POM121C: variants seen among roughly 807,000 people sequenced by gnomAD.
The protein encoded by POM121C is POM121 transmembrane nucleoporin C.
In POM121C, 20 loss-of-function variants were observed where a neutral mutation model predicts 66.4. The ratio of observed to expected loss-of-function variants is 0.30; its 90% CI spans 0.21 to 0.44. The LOEUF (loss-of-function observed/expected upper bound fraction) is 0.44, where lower values mean the gene tolerates loss of function less well. Ranked by LOEUF, POM121C falls within the 20% of genes least tolerant of loss-of-function variation. The pLI is 1.00. For synonymous variants in POM121C, 286 were observed against 528.0 expected, an observed-to-expected ratio of 0.54 and a Z score of 6.28; for missense variants, 580 against 1,225.7, an observed-to-expected ratio of 0.47 and a Z score of 7.87.
At chr7:75,470,398 G>C (rs1447008175) in intron 3 of POM121C, among the ~76,000 whole-genome samples, 4 of 148,964 alleles carry the variant, frequency 2.7e-5, no homozygotes, top group African/African-American at 9.8e-5. Flanking sequence ...GTAAACAGTG[G>C]GAGTCATGGC....
chr7:75,431,074 CAAAAAAAAAAAAA>C (rs34253601), intron 7 of POM121C, among the ~76,000 whole-genome samples: 19 of 59,716 alleles, frequency 3.2e-4, no homozygotes, highest in African/African-American at 8.5e-4. Context: ...GACTCTGTCT[CAAAAAAAAAAAAA>C]AAAAAAAAAA....
chr7:75,479,757 G>A (rs1356167803), intron 1 of POM121C, among the ~76,000 whole-genome samples: 10 of 151,904 alleles, frequency 6.6e-5, no homozygotes, highest in African/African-American at 2.4e-4. Flanking sequence ...AAATGGAAGT[G>A]TCCTATTGTA....
At chr7:75,483,876 G>A (rs1437832051) in intron 1 of POM121C, among the ~76,000 whole-genome samples, 3 of 152,018 alleles carry the variant, frequency 2.0e-5, no homozygotes, top group Non-Finnish European at 4.4e-5. Flanking sequence ...TGAGGCGGGA[G>A]GATCACCTGA....
At position 75,441,011 on chromosome 7, in the gene POM121C, T is replaced by C; in HGVS notation, c.170A>G (p.Lys57Arg). 6.2e-7 allele frequency: 1 copy of C among 1,613,812 alleles called. No homozygotes were observed. The highest frequency in any genetic ancestry group is 8.5e-7 in the Non-Finnish European group (1 of 1,179,710). ...VLSALKEKKK[K>R]RTVEEEDQIF... Reference sequence around the variant, plus strand: ...TTGGTCTTCTTCCTCCACTGTCCTTTTCTTCTTCTTCTCTTTGAGGGCACT... The same window carrying C: ...TTGGTCTTCTTCCTCCACTGTCCTTCTCTTCTTCTTCTCTTTGAGGGCACT... The change falls in exon 5 of 15, where the codon AAA (lysine) becomes AGA (arginine). Residue 57 changes from lysine to arginine, a missense_variant. By Grantham distance (26) the Lys-to-Arg change is conservative (BLOSUM62 2). Coordinates refer to ENST00000615331, the MANE Select transcript of POM121C (RefSeq NM_001099415.3).
intron 1 of POM121C, among the ~76,000 whole-genome samples, chr7:75,477,308 C>T (rs1554479532): frequency 1.3e-5 from 2 of 152,168 alleles, no homozygotes; most frequent in Non-Finnish European, 2.9e-5. Context: ...AGTGCTTGGG[C>T]ACGGTGGCTC....
chr7:75,481,030 A>ATATAT lies in POM121C; in HGVS notation c.-458+4833_-458+4834insATATA, dbSNP rs1792286734. 1.5e-4 allele frequency among the ~76,000 whole-genome samples: 21 copies of ATATAT among 137,038 alleles called. No homozygotes were observed. In the South Asian group the frequency reaches 2.1e-3, roughly 14 times the overall value. The allele number at this position is 137,038 out of a possible 152,430, so 89.9% of individuals were successfully genotyped here. A position where few individuals can be genotyped will look rare whatever the true frequency, so the allele number is the denominator to read the frequency against. ...ATACCCACTCTCAAATAGTTCAAAA[A>ATATAT]ATATATATATATATATAAATATATA... On this transcript the variant is annotated intron_variant, in intron 1 of 14. Transcript: ENST00000615331.
At chr7:75,465,609 C>A (rs1211468073) in intron 3 of POM121C, among the ~76,000 whole-genome samples, 1 of 151,420 alleles carries the variant, frequency 6.6e-6, no homozygotes, top group Non-Finnish European at 1.5e-5. Context: ...AAAAATTAGC[C>A]GGGCATGGTG....
chr7:75,429,176 C>T lies in POM121C; in HGVS notation c.481-2723G>A, dbSNP rs146878450. Among the ~76,000 whole-genome samples the T allele has an allele frequency of 4.4e-3, 673 of 152,240 alleles. 6 individuals carry two copies. Among genetic ancestry groups the T allele is most frequent in the Non-Finnish European group, 5.2e-3 (351 of 68,020 alleles). On this transcript the variant is annotated intron_variant, in intron 7 of 14. Transcript: ENST00000615331. ...GTAAGACATAAACAGAATAAGACTG[C>T]AGAGGGAAGGAAAAACTCATTATCA...
At chr7:75,472,978 C>A (rs1156918058) in intron 3 of POM121C, among the ~76,000 whole-genome samples, 1 of 152,138 alleles carries the variant, frequency 6.6e-6, no homozygotes, top group Non-Finnish European at 1.5e-5. Flanking sequence ...GAATACTGAA[C>A]ACGAATGTCA....
intron 13 of POM121C, chr7:75,420,989 G>GGTTTGGTT (rs747458743): frequency 7.4e-6 from 1 of 135,462 alleles, no homozygotes. Flanking sequence ...TTCAGCTTAC[G>GGTTTGGTT]CTTGAGACAG....
intron 3 of POM121C, among the ~76,000 whole-genome samples, chr7:75,444,263 G>A (rs1190660220): frequency 7.8e-6 from 1 of 128,886 alleles, no homozygotes; most frequent in Non-Finnish European, 1.7e-5. Context: ...AAAAAGGGGG[G>A]GGGGGGCGGA....
chr7:75,432,586 G>A (rs1335897766), intron 7 of POM121C, among the ~76,000 whole-genome samples: 1 of 152,150 alleles, frequency 6.6e-6, no homozygotes, highest in African/African-American at 2.4e-5. Context: ...TGATGAAAAT[G>A]TTTTATTACT....
intron 12 of POM121C, 58 bp from the exon 13 acceptor site, chr7:75,423,261 C>G: frequency 6.4e-7 from 1 of 1,570,884 alleles, no homozygotes; most frequent in Non-Finnish European, 8.6e-7. Flanking sequence ...TGATGGTATT[C>G]AGTATTTCAG....
chr7:75,430,350 G>C (rs782751951), intron 7 of POM121C, among the ~76,000 whole-genome samples: 18 of 152,082 alleles, frequency 1.2e-4, no homozygotes, highest in Non-Finnish European at 2.6e-4. Context: ...TCTAGAAATG[G>C]ACCCACATAT....
Position 75,477,563 on chromosome 7 carries a change from T to C in POM121C, c.-457-2375A>G, listed in dbSNP as rs368247370. Among the ~76,000 whole-genome samples the C allele has an allele frequency of 2.5e-4, 38 of 152,116 alleles. 1 individual carries two copies. The East Asian group carries it at 5.4e-3, about 22-fold the overall frequency. ...AGCTTTTTCCTGGAACTAGATAAGC[T>C]GACACTACAGTTCATATGAGGTGGA... On this transcript the variant is annotated intron_variant, in intron 1 of 14. Coordinates refer to ENST00000615331, the MANE Select transcript of POM121C (RefSeq NM_001099415.3).
At chr7:75,451,252 A>G (rs1584686862) in intron 3 of POM121C, among the ~76,000 whole-genome samples, 1 of 151,674 alleles carries the variant, frequency 6.6e-6, no homozygotes, top group Admixed American at 6.6e-5. Context: ...AGGTGGAGGC[A>G]TAACGCTACC....
chr7:75,425,258 T>C (rs375374633), intron 9 of POM121C, 63 bp from the exon 10 acceptor site: 1 of 1,072,390 alleles, frequency 9.3e-7, no homozygotes, highest in East Asian at 2.6e-5. Context: ...TGGTTGTGTC[T>C]ACCCACTTCG....
intron 7 of POM121C, among the ~76,000 whole-genome samples, chr7:75,434,815 T>C (rs1790343183): frequency 6.6e-6 from 1 of 152,092 alleles, no homozygotes; most frequent in African/African-American, 2.4e-5. Flanking sequence ...ACTCAGGTGA[T>C]CTGCCTGCCT....
chr7:75,454,628 C>T (rs1279982283), intron 3 of POM121C, among the ~76,000 whole-genome samples: 1 of 152,226 alleles, frequency 6.6e-6, no homozygotes, highest in Non-Finnish European at 1.5e-5. Flanking sequence ...TCTAGATCCA[C>T]TCTGCTCCCT....
Sources: allele counts gnomAD v4.1 joint callset (sites outside exome capture counted in the v4.1 genomes callset), GRCh38; gene constraint gnomAD v4.1.1; transcripts MANE v1.5; gene names NCBI Gene and HGNC (gene_info 2026-07-23, HGNC 2026-07-21).